The following RGSL1 variants were observed in gnomAD, a reference collection of about 807,000 sequenced individuals.
RGSL1 encodes regulator of G protein signaling protein-like.
Under a neutral mutation model 124.7 loss-of-function variants are expected in RGSL1, and 97 were observed. The observed-to-expected ratio is 0.78, with a 90% confidence interval of 0.66 to 0.92. The LOEUF is 0.92. Ranked by LOEUF, RGSL1 falls within the 40% of genes least tolerant of loss-of-function variation. The pLI, the probability that RGSL1 is intolerant of heterozygous loss-of-function variation, is 0.00. For synonymous variants in RGSL1, 424 were observed against 438.1 expected (o/e 0.97, Z 0.40); for missense variants, 1,233 against 1,288.4 (o/e 0.96, Z 0.66).
intron 9 of RGSL1, among the ~76,000 whole-genome samples, chr1:182,503,375 A>G (rs1176545724): frequency 6.6e-6 from 1 of 152,186 alleles, no homozygotes; most frequent in Non-Finnish European, 1.5e-5. Flanking sequence ...CCTATACACA[A>G]TGGAATACTA....
At chr1:182,450,556 G>A (rs2101969059) in intron 1 of RGSL1, 1 of 260,764 alleles carries the variant, frequency 3.8e-6, no homozygotes, top group Non-Finnish European at 7.6e-6. Flanking sequence ...CAAATTATTA[G>A]GAAGTTTGAA....
chr1:182,453,734 A>T (rs1490922034), intron 1 of RGSL1, among the ~76,000 whole-genome samples: 1 of 152,202 alleles, frequency 6.6e-6, no homozygotes, highest in Non-Finnish European at 1.5e-5. Context: ...CGGAATGGGC[A>T]TACCTGAGTC....
intron 18 of RGSL1, among the ~76,000 whole-genome samples, chr1:182,552,492 G>T (rs140536242): frequency 6.6e-6 from 1 of 152,138 alleles, no homozygotes; most frequent in Non-Finnish European, 1.5e-5. Context: ...TCTTTCAGGG[G>T]AAAGTTCTGA....
In RGSL1 at chr1:182,540,470, C is replaced by T. The variant is rs575639828; in HGVS notation, c.2669+49C>T. On this transcript the variant is annotated intron_variant, in intron 15 of 21. Transcript: ENST00000294854. ...TCTGCCCTGAAAATGACTTTTCATC[C>T]TTAGGACTGCCCAGCAGAAACTGGC... is the stretch of plus-strand genomic sequence containing the variant. 2.7e-6 allele frequency: 4 copies of T among 1,501,878 alleles called. No homozygotes were observed. In the East Asian group the frequency reaches 9.8e-5, roughly 37 times the overall value. 93.0% of individuals were successfully genotyped at this position (1,501,878 alleles called of 1,614,324 possible). A position where few individuals can be genotyped will look rare whatever the true frequency, so the allele number is the denominator to read the frequency against.
At chr1:182,451,989 G>C (rs998160989) in intron 1 of RGSL1, among the ~76,000 whole-genome samples, 4 of 152,186 alleles carry the variant, frequency 2.6e-5, no homozygotes, top group East Asian at 1.9e-4. Flanking sequence ...GAACAAGAGA[G>C]TAAGAGCAAG....
At chr1:182,542,722 GTCT>G (rs1176508316) in intron 15 of RGSL1, among the ~76,000 whole-genome samples, 1 of 151,960 alleles carries the variant, frequency 6.6e-6, no homozygotes, top group East Asian at 1.9e-4. Flanking sequence ...AATTGTGTGT[GTCT>G]TCTTCAATTT....
intron 4 of RGSL1, among the ~76,000 whole-genome samples, chr1:182,469,732 T>C (rs1278916340): frequency 6.6e-6 from 1 of 152,134 alleles, no homozygotes. Flanking sequence ...TTCACAATAG[T>C]TAAGTGTGGA....
At chr1:182,496,174 AAGGAAGAAACGGGG>A (rs1655897562) in intron 9 of RGSL1, among the ~76,000 whole-genome samples, 2 of 152,088 alleles carry the variant, frequency 1.3e-5, no homozygotes, top group South Asian at 4.1e-4. Flanking sequence ...GTTGGAGCCA[AAGGAAGAAACGGGG>A]AGGTGCTACA....
intron 9 of RGSL1, among the ~76,000 whole-genome samples, chr1:182,517,582 T>C (rs1001068786): frequency 4.6e-5 from 7 of 152,146 alleles, no homozygotes; most frequent in Non-Finnish European, 1.0e-4. Flanking sequence ...TTTCTTCTTT[T>C]TTCTTCTCTG....
intron 4 of RGSL1, among the ~76,000 whole-genome samples, chr1:182,469,284 G>T (rs1041037506): frequency 1.3e-5 from 2 of 152,224 alleles, no homozygotes; most frequent in Non-Finnish European, 2.9e-5. Context: ...TTGATATCCA[G>T]AATATATGGA....
chr1:182,485,407 C>G (rs1245713891), intron 6 of RGSL1, among the ~76,000 whole-genome samples: 1 of 152,136 alleles, frequency 6.6e-6, no homozygotes, highest in African/African-American at 2.4e-5. Flanking sequence ...GAGGCAGGGG[C>G]AAGTGCTGGG....
At chr1:182,515,781 C>T (rs940842541) in intron 9 of RGSL1, among the ~76,000 whole-genome samples, 9 of 152,130 alleles carry the variant, frequency 5.9e-5, no homozygotes, top group Admixed American at 2.6e-4. Context: ...GGGTGCAGCT[C>T]GTACGTGCTG....
At chr1:182,528,895 G>T (rs956364596) in intron 11 of RGSL1, among the ~76,000 whole-genome samples, 3 of 152,194 alleles carry the variant, frequency 2.0e-5, no homozygotes, top group Non-Finnish European at 4.4e-5. Context: ...TTTCAGTCAT[G>T]GTGGAAGGCA....
chr1:182,534,107 G>A (rs1266379778), intron 14 of RGSL1, among the ~76,000 whole-genome samples: 3 of 152,160 alleles, frequency 2.0e-5, no homozygotes, highest in African/African-American at 4.8e-5. Context: ...CTTAAACAAT[G>A]CTGCAAAAGA....
intron 9 of RGSL1, among the ~76,000 whole-genome samples, chr1:182,509,537 G>A (rs1657175194): frequency 9.2e-6 from 1 of 109,054 alleles, no homozygotes; most frequent in Admixed American, 7.8e-5. Context: ...GCCGGGTGGG[G>A]GGGCTGACGC....
In RGSL1 at chr1:182,548,885, A is replaced by C. The variant is rs926381511; in HGVS notation, c.2933+61A>C. Reference sequence around the variant, plus strand: ...AGGAAAACACACTTAGTTTGGAGAGAGTTTTCTGCCTTCCTCTAGCACTCT... The same window carrying C: ...AGGAAAACACACTTAGTTTGGAGAGCGTTTTCTGCCTTCCTCTAGCACTCT... On this transcript the variant is annotated intron_variant, in intron 17 of 21. Transcript: ENST00000294854. The C allele has an allele frequency of 1.1e-5, 17 of 1,532,054 alleles. No individual in the cohort carries two copies. In the African/African-American group the frequency reaches 2.2e-4, roughly 20 times the overall value. 94.9% of individuals were successfully genotyped at this position (1,532,054 alleles called of 1,614,324 possible). A position where few individuals can be genotyped will look rare whatever the true frequency, so the allele number is the denominator to read the frequency against.
At chr1:182,479,668 G>C (rs757716214) in intron 6 of RGSL1, among the ~76,000 whole-genome samples, 3 of 152,082 alleles carry the variant, frequency 2.0e-5, no homozygotes, top group Non-Finnish European at 4.4e-5. Flanking sequence ...AATGTAAATC[G>C]TCTTAACTCT....
At chr1:182,506,948 T>C (rs1322431603) in intron 9 of RGSL1, among the ~76,000 whole-genome samples, 1 of 151,916 alleles carries the variant, frequency 6.6e-6, no homozygotes, top group Non-Finnish European at 1.5e-5. Context: ...TAGATTGTTG[T>C]AAGCTATATT....
At chr1:182,494,784 T>G (rs1025058424) in intron 9 of RGSL1, among the ~76,000 whole-genome samples, 3 of 152,360 alleles carry the variant, frequency 2.0e-5, no homozygotes, top group African/African-American at 4.8e-5. Context: ...TTCTGGTAGC[T>G]TCAAGCTGCT....
Sources: allele counts gnomAD v4.1 joint callset (sites outside exome capture counted in the v4.1 genomes callset), GRCh38; gene constraint gnomAD v4.1.1; transcripts MANE v1.5; gene names NCBI Gene and HGNC (gene_info 2026-07-23, HGNC 2026-07-21).